The following NAPB variants were observed in gnomAD, a reference collection of about 807,000 sequenced individuals.
The protein encoded by NAPB is NSF attachment protein beta, also known as beta-soluble NSF attachment protein.
A neutral mutation model predicts 44.7 loss-of-function variants in NAPB; 26 were observed. That is an observed-to-expected ratio of 0.58 (90% CI 0.43 to 0.81). The LOEUF is 0.81. Ranked by LOEUF, NAPB falls within the 30% of genes least tolerant of loss-of-function variation. NAPB has a pLI of 0.00. For synonymous variants in NAPB, 120 were observed against 116.8 expected (o/e 1.03, Z -0.18); for missense variants, 315 against 356.4 (o/e 0.88, Z 0.94).
At chr20:23,419,450 CCT>C (rs1428422536) in intron 1 of NAPB, among the ~76,000 whole-genome samples, 1 of 152,182 alleles carries the variant, frequency 6.6e-6, no homozygotes, top group African/African-American at 2.4e-5. Context: ...ACATCGAAAA[CCT>C]CTTTCCCAAA....
chr20:23,385,807 C>T (rs187572466), intron 7 of NAPB, among the ~76,000 whole-genome samples: 1 of 151,958 alleles, frequency 6.6e-6, no homozygotes, highest in African/African-American at 2.4e-5. Flanking sequence ...GAAAGATCAG[C>T]AAGTATATTA....
Position 23,414,451 on chromosome 20 carries a change from T to C in NAPB, c.98+6854A>G, listed in dbSNP as rs115167933. ...GGCCTCATATTTACTAATTAACATA[T>C]AATAACTCTTAAGGAGAAAAATGTT... On this transcript the variant is annotated intron_variant, in intron 1 of 10. Transcript: ENST00000377026. 7.4e-3 allele frequency among the ~76,000 whole-genome samples: 1,122 copies of C among 152,282 alleles called. 8 individuals are homozygous for C. Among genetic ancestry groups the C allele is most frequent in the African/African-American group, 0.026 (1,067 of 41,554 alleles).
intron 1 of NAPB, among the ~76,000 whole-genome samples, chr20:23,416,052 G>C (rs780574622): frequency 2.8e-4 from 42 of 152,132 alleles, no homozygotes; most frequent in Non-Finnish European, 5.1e-4. Context: ...AACTAGGTAA[G>C]AATAAAAGAA....
intron 1 of NAPB, among the ~76,000 whole-genome samples, chr20:23,421,066 G>C (rs889106219): frequency 2.0e-5 from 3 of 151,636 alleles, no homozygotes; most frequent in African/African-American, 7.3e-5. Flanking sequence ...GGACCCTGGG[G>C]GGGCCTGTGG....
At chr20:23,392,129 G>A (rs1984003272) in intron 5 of NAPB, among the ~76,000 whole-genome samples, 1 of 152,202 alleles carries the variant, frequency 6.6e-6, no homozygotes, top group Non-Finnish European at 1.5e-5. Flanking sequence ...CTAGGCTCAG[G>A]GCTGTGATGG....
At chr20:23,407,919 T>C (rs1421159019) in intron 1 of NAPB, among the ~76,000 whole-genome samples, 3 of 152,202 alleles carry the variant, frequency 2.0e-5, no homozygotes, top group Non-Finnish European at 2.9e-5. Context: ...CTATGACAAC[T>C]ATAGTCCGTA....
Position 23,395,126 on chromosome 20 carries a change from T to TG in NAPB, c.342+12dup. 1 of 1,614,172 alleles carries TG rather than the reference T, an allele frequency of 6.2e-7. No individual in the cohort carries two copies. Among genetic ancestry groups the TG allele is most frequent in the Non-Finnish European group, 8.5e-7 (1 of 1,179,998 alleles). On this transcript the variant is annotated intron_variant, in intron 4 of 10. Transcript: ENST00000377026. ...CTCCACCCCACAGCCACTCAAGCAA[T>TG]GCAATGTCTTACCATGTCTGTGTAA...
intron 1 of NAPB, among the ~76,000 whole-genome samples, chr20:23,415,565 G>A (rs1393206530): frequency 6.6e-6 from 1 of 152,138 alleles, no homozygotes; most frequent in Non-Finnish European, 1.5e-5. Flanking sequence ...CTGCACTCCA[G>A]CCTGGGCAAC....
At chr20:23,394,411 A>G (rs1439081569) in intron 5 of NAPB, among the ~76,000 whole-genome samples, 1 of 152,198 alleles carries the variant, frequency 6.6e-6, no homozygotes, top group Admixed American at 6.5e-5. Flanking sequence ...GGTTGGGGAC[A>G]TCTGAGAATC....
chr20:23,404,675 T>A, intron 1 of NAPB, among the ~76,000 whole-genome samples: 1 of 152,182 alleles, frequency 6.6e-6, no homozygotes, highest in East Asian at 1.9e-4. Context: ...AGGTACTCAA[T>A]CAGAATGGTT....
At chr20:23,378,502 C>A (rs895978934) in intron 10 of NAPB, among the ~76,000 whole-genome samples, 3 of 150,196 alleles carry the variant, frequency 2.0e-5, no homozygotes, top group Admixed American at 2.0e-4. Flanking sequence ...AATGCAATGG[C>A]GTGATCTTGG....
rs1163402449 is a variant in NAPB at position 23,375,609 on chromosome 20, C to T, written c.*1767G>A. 1 of 152,182 alleles carries T rather than the reference C, an allele frequency of 6.6e-6. No homozygotes were observed. Among genetic ancestry groups the T allele is most frequent in the Non-Finnish European group, 1.5e-5 (1 of 68,040 alleles). 9.4% of individuals were successfully genotyped at this position (152,182 alleles called of 1,614,324 possible). On this transcript the variant is annotated 3_prime_UTR_variant, in exon 11 of 11. Coordinates refer to ENST00000377026, the MANE Select transcript of NAPB (RefSeq NM_022080.3). ...GTACCAACTGGACTCCATTCCAGGTCTTACCTCTAGAAGACAGCCAGCTCT... is the reference window on the plus strand; with the variant it reads ...GTACCAACTGGACTCCATTCCAGGTTTTACCTCTAGAAGACAGCCAGCTCT...
At chr20:23,390,585 G>C (rs976740403) in intron 5 of NAPB, among the ~76,000 whole-genome samples, 37 of 152,204 alleles carry the variant, frequency 2.4e-4, no homozygotes, top group African/African-American at 7.5e-4. Context: ...CCACTCCCAG[G>C]CTTGGGCCAT....
chr20:23,379,694 T>A, intron 9 of NAPB, 173 bp downstream of exon 9: 1 of 666,858 alleles, frequency 1.5e-6, no homozygotes, highest in Admixed American at 3.0e-5. Context: ...CACAACTACA[T>A]GTTTCTGACC....
chr20:23,386,705 G>A (rs1173132861), intron 7 of NAPB, among the ~76,000 whole-genome samples: 1 of 152,158 alleles, frequency 6.6e-6, no homozygotes, highest in African/African-American at 2.4e-5. Context: ...ACTGTGGGGG[G>A]AAGTAAGTGC....
At position 23,403,081 on chromosome 20, in the gene NAPB, A is replaced by C. The variant is rs1429016149; in HGVS notation, c.99-9T>G. 2 of 1,608,222 alleles carry C rather than the reference A, an allele frequency of 1.2e-6. No individual in the cohort carries two copies. The highest frequency in any genetic ancestry group is 2.2e-5 in the East Asian group (1 of 44,830). On this transcript the variant is annotated splice_polypyrimidine_tract_variant and intron_variant, in intron 1 of 10. Transcript: ENST00000377026. ...CTATTCTTGTGTTTCCTCTGAGAAAAAGTTAAAAATTAGATTTTTAACAAC... is the reference window on the plus strand; with the variant it reads ...CTATTCTTGTGTTTCCTCTGAGAAACAGTTAAAAATTAGATTTTTAACAAC...
At chr20:23,417,835 C>T (rs1041794399) in intron 1 of NAPB, among the ~76,000 whole-genome samples, 1 of 151,928 alleles carries the variant, frequency 6.6e-6, no homozygotes, top group Admixed American at 6.6e-5. Context: ...ATATTGATAC[C>T]TTACCTATCA....
chr20:23,421,307 A>C lies in NAPB; in HGVS notation c.96T>G (p.Phe32Leu), dbSNP rs1167568647. 1.3e-6 allele frequency: 2 copies of C among 1,557,690 alleles called. No individual in the cohort carries two copies. The highest frequency in any genetic ancestry group is 2.7e-5 in the African/African-American group (2 of 72,986). The change falls in exon 1 of 11, where the codon TTT (phenylalanine) becomes TTG (leucine). Residue 32 changes from phenylalanine to leucine, a missense_variant and splice_region_variant. Around this residue, in one of 3 missense-constraint regions of NAPB, gnomAD observed 179 missense variants for 182.5 expected, o/e 0.98. Coordinates refer to ENST00000377026, the MANE Select transcript of NAPB (RefSeq NM_022080.3). Reference protein sequence around the residue: ...KASHSFLRGLFGGNTRIEEAC... With the variant: ...KASHSFLRGLLGGNTRIEEAC... ...GGCACGCACGGTCTGGCGCTCACCC[A>C]AACAGCCCTCGGAGGAAGGAGTGGG...
rs1387986756 is a variant in NAPB, at chr20:23,375,717, C to T, written c.*1659G>A. On this transcript the variant is annotated 3_prime_UTR_variant, in exon 11 of 11. Coordinates refer to ENST00000377026, the MANE Select transcript of NAPB (RefSeq NM_022080.3). ...CCAACAGACAGAGTGTCTTCATTGCCACCCCCAGTAGTGGGGACTACAGTG... is the reference window on the plus strand; with the variant it reads ...CCAACAGACAGAGTGTCTTCATTGCTACCCCCAGTAGTGGGGACTACAGTG... The T allele has an allele frequency of 6.6e-6, 1 of 152,140 alleles. No homozygotes were observed. Among genetic ancestry groups the T allele is most frequent in the Non-Finnish European group, 1.5e-5 (1 of 68,030 alleles). The allele number at this position is 152,140 out of a possible 1,614,324, so 9.4% of individuals were successfully genotyped here.
Sources: allele counts gnomAD v4.1 joint callset (sites outside exome capture counted in the v4.1 genomes callset), GRCh38; gene constraint gnomAD v4.1.1; regional missense constraint gnomAD v4.1.1; transcripts MANE v1.5; gene names NCBI Gene and HGNC (gene_info 2026-07-23, HGNC 2026-07-21).